TTC28: variants seen among roughly 807,000 people sequenced by gnomAD.
The protein encoded by TTC28 is tetratricopeptide repeat protein 28.
In TTC28, 61 loss-of-function variants were observed where a neutral mutation model predicts 198.0. The ratio of observed to expected loss-of-function variants is 0.31; its 90% CI spans 0.25 to 0.38. The LOEUF is 0.38. Ranked by LOEUF, TTC28 falls within the 10% of genes least tolerant of loss-of-function variation. The pLI is 1.00. For missense variants in TTC28, 2,678 were observed against 3,164.0 expected, an observed-to-expected ratio of 0.85 and a Z score of 3.69; for synonymous variants, 1,171 against 1,297.8, an observed-to-expected ratio of 0.90 and a Z score of 2.10.
chr22:28,674,420 C>T (rs1268448280), intron 1 of TTC28, among the ~76,000 whole-genome samples: 1 of 151,996 alleles, frequency 6.6e-6, no homozygotes, highest in Non-Finnish European at 1.5e-5. Flanking sequence ...CTACCACAGG[C>T]AAGGCATTGT....
chr22:28,595,567 A>G (rs1414850929), intron 2 of TTC28, among the ~76,000 whole-genome samples: 3 of 152,226 alleles, frequency 2.0e-5, no homozygotes, highest in African/African-American at 7.2e-5. Flanking sequence ...TGTCCAGCAC[A>G]CAGCAAGACA....
chr22:28,075,391 T>C (rs1941134966), intron 12 of TTC28, among the ~76,000 whole-genome samples: 1 of 152,102 alleles, frequency 6.6e-6, no homozygotes, highest in Admixed American at 6.5e-5. Flanking sequence ...AACTTTTTTT[T>C]TCCTCAAGCA....
chr22:28,608,623 G>A (rs1275323315), intron 2 of TTC28, among the ~76,000 whole-genome samples: 1 of 152,156 alleles, frequency 6.6e-6, no homozygotes, highest in Non-Finnish European at 1.5e-5. Context: ...TCCCAAGAAG[G>A]ACCTAAGAAG....
chr22:28,323,216 A>T (rs374621978), intron 2 of TTC28, among the ~76,000 whole-genome samples: 1 of 152,210 alleles, frequency 6.6e-6, no homozygotes, highest in African/African-American at 2.4e-5. Context: ...ACTGATGAAG[A>T]TCTACAAGCA....
intron 2 of TTC28, among the ~76,000 whole-genome samples, chr22:28,317,108 T>TA (rs1268868681): frequency 6.6e-6 from 1 of 152,164 alleles, no homozygotes; most frequent in African/African-American, 2.4e-5. Flanking sequence ...AACATTTACT[T>TA]ATTCATTTTT....
Position 28,306,416 on chromosome 22 carries a change from T to C in TTC28, c.529+80A>G. 2.8e-6 allele frequency: 4 copies of C among 1,450,552 alleles called. No individual in the cohort carries two copies. The South Asian group carries it at 5.3e-5, about 19-fold the overall frequency. The allele number at this position is 1,450,552 out of a possible 1,614,324, so 89.9% of individuals were successfully genotyped here. A position where few individuals can be genotyped will look rare whatever the true frequency, so the allele number is the denominator to read the frequency against. The stretch of plus-strand genomic sequence containing the variant: ...AATTTGATAACCTATCAATTCTCTG[T>C]GCCTGAGCCTAAAGTCTTGGAAGGC... On this transcript the variant is annotated intron_variant, in intron 3 of 22. Coordinates refer to ENST00000397906, the MANE Select transcript of TTC28 (RefSeq NM_001145418.2).
intron 12 of TTC28, among the ~76,000 whole-genome samples, chr22:28,035,752 CCTGT>C (rs1939314159): frequency 6.6e-6 from 1 of 152,178 alleles, no homozygotes; most frequent in Admixed American, 6.5e-5. Flanking sequence ...CTTACCAGTT[CCTGT>C]CTATTTTTTC....
At chr22:28,105,120 C>T (rs1341080389) in intron 8 of TTC28, among the ~76,000 whole-genome samples, 159 bp downstream of exon 8, 1 of 152,128 alleles carries the variant, frequency 6.6e-6, no homozygotes, top group Non-Finnish European at 1.5e-5. Flanking sequence ...GGTGGGGACA[C>T]CGTGATTCTG....
intron 2 of TTC28, among the ~76,000 whole-genome samples, chr22:28,424,382 T>C (rs1263585489): frequency 6.6e-6 from 1 of 152,212 alleles, no homozygotes; most frequent in Non-Finnish European, 1.5e-5. Context: ...CCTTCTCTAC[T>C]TCCTTCAGGT....
At chr22:28,408,815 G>C (rs2047038089) in intron 2 of TTC28, among the ~76,000 whole-genome samples, 1 of 152,230 alleles carries the variant, frequency 6.6e-6, no homozygotes, top group African/African-American at 2.4e-5. Flanking sequence ...AATGAGTCTT[G>C]AACTACCACA....
intron 1 of TTC28, among the ~76,000 whole-genome samples, chr22:28,669,136 A>G (rs2051835285): frequency 8.2e-6 from 1 of 121,872 alleles, no homozygotes. Context: ...GGAATATCAC[A>G]CTCTGGGGAC....
At chr22:28,397,310 G>A (rs914008082) in intron 2 of TTC28, among the ~76,000 whole-genome samples, 18 of 152,278 alleles carry the variant, frequency 1.2e-4, no homozygotes, top group African/African-American at 3.6e-4. Flanking sequence ...CAAGAGTCCC[G>A]ATGTAGGTAA....
At chr22:28,563,172 T>A (rs1436742404) in intron 2 of TTC28, among the ~76,000 whole-genome samples, 1 of 152,056 alleles carries the variant, frequency 6.6e-6, no homozygotes, top group African/African-American at 2.4e-5. Context: ...AAAAATAGAA[T>A]CTATAGAAAT....
intron 13 of TTC28, among the ~76,000 whole-genome samples, chr22:28,021,682 TGGCAGAACGA>T (rs1383013907): frequency 6.6e-6 from 1 of 152,154 alleles, no homozygotes; most frequent in Non-Finnish European, 1.5e-5. Flanking sequence ...TGAACACAGG[TGGCAGAACGA>T]GGCCTCTGGG....
At chr22:28,345,373 T>G (rs939020429) in intron 2 of TTC28, among the ~76,000 whole-genome samples, 1 of 152,152 alleles carries the variant, frequency 6.6e-6, no homozygotes, top group South Asian at 2.1e-4. Flanking sequence ...CTAAAAATTC[T>G]TATACAGTGC....
At chr22:27,987,317 TTGATG>T (rs1937245663) in intron 21 of TTC28, among the ~76,000 whole-genome samples, 1 of 152,196 alleles carries the variant, frequency 6.6e-6, no homozygotes, top group African/African-American at 2.4e-5. Flanking sequence ...TGTACTATTC[TTGATG>T]TATCTGGCAA....
At chr22:28,484,332 G>A (rs781490396) in intron 2 of TTC28, among the ~76,000 whole-genome samples, 46 of 151,774 alleles carry the variant, frequency 3.0e-4, no homozygotes, top group Non-Finnish European at 1.3e-4. Context: ...GGCTGGTCTC[G>A]AACTCCTGTA....
Position 27,998,991 on chromosome 22 carries a change from C to A in TTC28, c.4668G>T (p.Leu1556Phe), listed in dbSNP as rs1601500045. The A allele has an allele frequency of 1.9e-6, 3 of 1,550,676 alleles. No individual in the cohort carries two copies. Among genetic ancestry groups the A allele is most frequent in the Non-Finnish European group, 2.6e-6 (3 of 1,146,998 alleles). The part of the protein sequence containing the change: ...ATHISWKLSA[L>F]VLTPSMDGNP... ...TGCCGTCCATGCTGGGCGTGAGGAC[C>A]AAGGCCGACAGCTTCCAGGAGATGT... The change falls in exon 16 of 23, where the codon TTG (leucine) becomes TTT (phenylalanine). Residue 1556 changes from leucine to phenylalanine, a missense_variant. Transcript: ENST00000397906.
chr22:28,090,315 T>C (rs1448686942), intron 12 of TTC28, among the ~76,000 whole-genome samples: 2 of 152,116 alleles, frequency 1.3e-5, no homozygotes, highest in Non-Finnish European at 2.9e-5. Flanking sequence ...TTATACTATA[T>C]ACAGTAATTC....
Sources: gnomAD v4.1 joint callset for allele counts (sites outside exome capture counted in the v4.1 genomes callset) on GRCh38, gnomAD v4.1.1 for gene constraint, MANE v1.5 for transcripts, NCBI Gene and HGNC (gene_info 2026-07-23, HGNC 2026-07-21) for gene names.